The following PPP2R1B variants were observed in gnomAD, a reference collection of about 807,000 sequenced individuals.
The protein encoded by PPP2R1B is protein phosphatase 2 scaffold subunit Abeta.
Under a neutral mutation model 72.7 loss-of-function variants are expected in PPP2R1B, and 58 were observed. The observed-to-expected ratio is 0.80, with a 90% CI of 0.65 to 0.99. PPP2R1B has a LOEUF of 0.99. Ranked by LOEUF, PPP2R1B falls within the 50% of genes least tolerant of loss-of-function variation. The pLI is 0.00. For synonymous variants in PPP2R1B, 256 were observed against 264.6 expected, an observed-to-expected ratio of 0.97 and a Z score of 0.32; for missense variants, 695 against 733.6, an observed-to-expected ratio of 0.95 and a Z score of 0.61.
the PPP2R1B span, among the ~76,000 whole-genome samples, chr11:111,704,216 C>T: frequency 6.6e-6 from 1 of 152,142 alleles, no homozygotes; most frequent in African/African-American, 2.4e-5. Flanking sequence ...TGAAGTGCAT[C>T]CTGAGCAGTA....
Position 111,738,862 on chromosome 11 carries a change from T to C in PPP2R1B, c.*2734A>G. The C allele has an allele frequency of 1.0e-6, 1 of 984,648 alleles. No homozygotes were observed. 61.0% of individuals were successfully genotyped at this position (984,648 alleles called of 1,614,324 possible). On this transcript the variant is annotated 3_prime_UTR_variant, in exon 15 of 15. Coordinates refer to ENST00000527614, the MANE Select transcript of PPP2R1B (RefSeq NM_002716.5). Reference sequence around the variant, plus strand: ...AATTCCACTGTTGCTGAGACATTTTTATTGGCATAGGTTATATGTTTGTGT... The same window carrying C: ...AATTCCACTGTTGCTGAGACATTTTCATTGGCATAGGTTATATGTTTGTGT...
chr11:111,736,494 A>G (rs911229297), downstream of PPP2R1B, among the ~76,000 whole-genome samples: 1 of 152,178 alleles, frequency 6.6e-6, no homozygotes, highest in African/African-American at 2.4e-5. Flanking sequence ...TGAAGACGAC[A>G]TGGACTCCAA....
the PPP2R1B span, chr11:111,720,527 T>C: frequency 4.3e-6 from 7 of 1,613,394 alleles, no homozygotes; most frequent in Non-Finnish European, 5.9e-6. Flanking sequence ...GTGTGGACTC[T>C]GAGTATGATA....
Position 111,760,850 on chromosome 11 carries a change from C to T in PPP2R1B, c.508G>A (p.Ala170Thr), listed in dbSNP as rs1048590629. 19 of 1,614,014 alleles carry T rather than the reference C, an allele frequency of 1.2e-5. No individual in the cohort carries two copies. Among genetic ancestry groups the T allele is most frequent in the Non-Finnish European group, 1.4e-5 (17 of 1,180,024 alleles). ...CGLFSVCYPRASNAVKAEIRQ... is the reference protein window; with the variant it reads ...CGLFSVCYPRTSNAVKAEIRQ... ...ATTTCTGCTTTAACAGCATTTGATG[C>T]CCTGGGATAGCAAACGCTGAACAAA... The change falls in exon 4 of 15, where the codon GCA becomes ACA. Residue 170 changes from alanine to threonine, a missense_variant. Physicochemically the swap from Ala to Thr is moderately conservative, Grantham distance 58 (BLOSUM62 0). Coordinates refer to ENST00000527614, the MANE Select transcript of PPP2R1B (RefSeq NM_002716.5).
chr11:111,722,096 C>T (rs141432839), downstream of PPP2R1B, among the ~76,000 whole-genome samples: 138 of 152,284 alleles, frequency 9.1e-4, no homozygotes, highest in African/African-American at 3.2e-3. This position sits in a 1 kb window ranked among gnomAD's most constrained non-coding sequence, Gnocchi z 4.4. Context: ...TTTCTAGAAA[C>T]GTGTTCAGAT....
In PPP2R1B at chr11:111,742,662, G is replaced by C. The variant is rs746221847; in HGVS notation, c.1558C>G (p.Leu520Val). 6.3e-7 allele frequency: 1 copy of C among 1,598,290 alleles called. No homozygotes were observed. The highest frequency in any genetic ancestry group is 1.7e-5 in the Admixed American group (1 of 58,074). Reference protein sequence around the residue: ...RMTTLFCINALSEACGQEITT... With the variant: ...RMTTLFCINAVSEACGQEITT... ...ATTTCCTGACCACAGGCCTCAGACA[G>C]TGCCTAGAAAAATAAGTAAGATGGC... is the stretch of plus-strand genomic sequence containing the variant. The change falls in exon 13 of 15, where the codon CTG (leucine) becomes GTG (valine). Residue 520 changes from leucine to valine, a missense_variant. By Grantham distance (32) the Leu-to-Val change is conservative (BLOSUM62 1). Transcript: ENST00000527614.
Position 111,755,017 on chromosome 11 carries a change from T to C in PPP2R1B, c.921A>G (p.Glu307=). The change falls in exon 7 of 15, where the codon GAA becomes GAG. Residue 307 remains glutamate (E), a synonymous_variant. Transcript: ENST00000527614. The part of the protein sequence containing the change: ...PAFQNLLKDC[E]AEVRAAAAHK... The stretch of plus-strand genomic sequence containing the variant: ...GGGCAGCAGCTGCCCGGACTTCAGC[T>C]TCACAGTCTTTAAGTAGGTTCTGAA... 1.2e-6 allele frequency: 2 copies of C among 1,614,080 alleles called. No individual in the cohort carries two copies. Among genetic ancestry groups the C allele is most frequent in the Non-Finnish European group, 1.7e-6 (2 of 1,179,938 alleles).
intron 9 of PPP2R1B, 77 bp from the exon 10 acceptor site, chr11:111,752,409 T>C (rs1375819612): frequency 1.4e-6 from 2 of 1,413,116 alleles, no homozygotes; most frequent in Admixed American, 2.5e-5. Flanking sequence ...CAGGGTAAGA[T>C]AAAAGGTGAG....
At chr11:111,761,141 G>T in intron 3 of PPP2R1B, 90 bp from the exon 4 acceptor site, 1 of 1,070,984 alleles carries the variant, frequency 9.3e-7, no homozygotes, top group Non-Finnish European at 1.4e-6. Flanking sequence ...CTGAAGGGAG[G>T]TGGTACACGT....
At chr11:111,689,892 G>C in the PPP2R1B span, among the ~76,000 whole-genome samples, 2 of 151,570 alleles carry the variant, frequency 1.3e-5, no homozygotes, top group East Asian at 3.9e-4. Flanking sequence ...CCATTCTATA[G>C]TCTGTGATTT....
chr11:111,761,525 C>T (rs1945328438), intron 3 of PPP2R1B, among the ~76,000 whole-genome samples: 1 of 152,220 alleles, frequency 6.6e-6, no homozygotes, highest in Non-Finnish European at 1.5e-5. Context: ...GTGCAAGCAA[C>T]CCTTATCCAC....
the PPP2R1B span, chr11:111,719,776 T>G: frequency 6.2e-7 from 1 of 1,612,482 alleles, no homozygotes; most frequent in Non-Finnish European, 8.5e-7. Flanking sequence ...GGCGTTTAGG[T>G]CAATGGCTGT....
chr11:111,754,461 A>C (rs782254287), intron 8 of PPP2R1B, 38 bp downstream of exon 8: 9 of 1,582,056 alleles, frequency 5.7e-6, no homozygotes, highest in Non-Finnish European at 7.7e-6. Context: ...GTTTACCTTC[A>C]TATAAAAGAG....
intron 3 of PPP2R1B, among the ~76,000 whole-genome samples, chr11:111,764,319 C>T (rs1389044651): frequency 6.6e-6 from 1 of 151,784 alleles, no homozygotes; most frequent in African/African-American, 2.4e-5. Context: ...GTAGCTGGTA[C>T]TACAGGCTTG....
chr11:111,757,130 C>T lies in PPP2R1B; in HGVS notation c.688-1680G>A, dbSNP rs561431509. 4.3e-3 allele frequency among the ~76,000 whole-genome samples: 653 copies of T among 150,342 alleles called. 1 individual carries two copies. The highest frequency in any genetic ancestry group is 7.5e-3 in the Admixed American group (114 of 15,104). ...CTCCAACTCAAAAAAAAAAAAACAC[C>T]GAAAAAAAAGAAACATCAATGAGAA... is the stretch of plus-strand genomic sequence containing the variant. On this transcript the variant is annotated intron_variant, in intron 5 of 14. Transcript: ENST00000527614.
chr11:111,757,042 A>T (rs1293327746), intron 5 of PPP2R1B, among the ~76,000 whole-genome samples: 1 of 151,620 alleles, frequency 6.6e-6, no homozygotes, highest in Non-Finnish European at 1.5e-5. Flanking sequence ...TGAACCCAGG[A>T]GGCAGAGGCT....
the PPP2R1B span, among the ~76,000 whole-genome samples, chr11:111,699,735 A>G: frequency 6.6e-6 from 1 of 152,194 alleles, no homozygotes; most frequent in African/African-American, 2.4e-5. Flanking sequence ...GTATGAATGG[A>G]GTGAGCTTAT....
intron 10 of PPP2R1B, among the ~76,000 whole-genome samples, chr11:111,748,940 G>A (rs1337238867): frequency 2.6e-5 from 4 of 151,742 alleles, no homozygotes; most frequent in Non-Finnish European, 5.9e-5. Context: ...TCCACCTCCC[G>A]GGTTCAAGTG....
At chr11:111,760,702 T>A in intron 4 of PPP2R1B, 117 bp downstream of exon 4, 1 of 845,540 alleles carries the variant, frequency 1.2e-6, no homozygotes, top group South Asian at 1.6e-5. Context: ...TATCAGCCAC[T>A]CATTGGTAAC....
Sources: gnomAD v4.1 joint callset for allele counts (sites outside exome capture counted in the v4.1 genomes callset) on GRCh38, gnomAD v4.1.1 for gene constraint, Gnocchi (gnomAD v3.1) non-coding constraint, MANE v1.5 for transcripts, NCBI Gene and HGNC (gene_info 2026-07-23, HGNC 2026-07-21) for gene names.